Variants in DTNBP1 observed in about 807,000 individuals in gnomAD.
The protein encoded by DTNBP1 is dysbindin.
DTNBP1 carries 35 observed loss-of-function variants against 42.8 expected under a neutral mutation model. That is an observed-to-expected ratio of 0.82 (90% CI 0.63 to 1.09). DTNBP1 has a LOEUF of 1.09. Among genes scored for constraint, DTNBP1 ranks in the 50% least tolerant of loss-of-function variants. DTNBP1 has a pLI of 0.00. For synonymous variants in DTNBP1, 171 were observed against 162.2 expected, an observed-to-expected ratio of 1.05 and a Z score of -0.41; for missense variants, 457 against 424.2, an observed-to-expected ratio of 1.08 and a Z score of -0.68.
At chr6:15,657,154 T>C (rs1761332056) in intron 1 of DTNBP1, among the ~76,000 whole-genome samples, 1 of 152,180 alleles carries the variant, frequency 6.6e-6, no homozygotes, top group South Asian at 2.1e-4. Context: ...ATTTAGACTA[T>C]CTACATCCTA....
rs190854086 is a variant in DTNBP1 at position 15,580,542 on chromosome 6, T to C, written c.511+12517A>G. Among the ~76,000 whole-genome samples, 3 of 152,316 alleles carry C rather than the reference T, an allele frequency of 2.0e-5. No homozygotes were observed. The East Asian group carries it at 5.8e-4, about 29-fold the overall frequency. On this transcript the variant is annotated intron_variant, in intron 7 of 9. Coordinates refer to ENST00000344537, the MANE Select transcript of DTNBP1 (RefSeq NM_032122.5). Reference sequence around the variant, plus strand: ...ATAGGAAAACAGTATGTTAATGACATGAGGCAATGCTCATTTCATAAGGGG... The same window carrying C: ...ATAGGAAAACAGTATGTTAATGACACGAGGCAATGCTCATTTCATAAGGGG...
At chr6:15,658,474 G>A (rs1218830323) in intron 1 of DTNBP1, among the ~76,000 whole-genome samples, 9 of 152,090 alleles carry the variant, frequency 5.9e-5, no homozygotes, top group Non-Finnish European at 1.0e-4. Context: ...GGGCGGCAGG[G>A]GCAGTGAGGG....
chr6:15,546,257 G>A (rs1394232474), intron 7 of DTNBP1, among the ~76,000 whole-genome samples: 1 of 151,760 alleles, frequency 6.6e-6, no homozygotes, highest in Non-Finnish European at 1.5e-5. Context: ...GTAGAGATGG[G>A]GTTTCATCAT....
At chr6:15,593,038 G>A (rs748449915) in intron 7 of DTNBP1, 21 bp downstream of exon 7, 3 of 1,580,442 alleles carry the variant, frequency 1.9e-6, no homozygotes, top group Admixed American at 1.8e-5. Context: ...ACTTTAAAGT[G>A]AAGAATTAAC....
intron 7 of DTNBP1, among the ~76,000 whole-genome samples, chr6:15,563,463 C>T (rs1174018239): frequency 1.3e-5 from 2 of 152,218 alleles, no homozygotes; most frequent in Non-Finnish European, 2.9e-5. Context: ...AATTAGGCTG[C>T]ATCTTAAGCC....
chr6:15,524,223 A>G, intron 9 of DTNBP1: 1 of 1,540,824 alleles, frequency 6.5e-7, no homozygotes. Flanking sequence ...CTTAACCACA[A>G]GGAGCAGACT....
intron 7 of DTNBP1, 172 bp from the exon 8 acceptor site, chr6:15,533,567 G>GCA (rs562930644): frequency 7.4e-6 from 8 of 1,088,024 alleles, no homozygotes; most frequent in Non-Finnish European, 1.1e-5. Flanking sequence ...CCAATCTGCT[G>GCA]CACTTCCTCC....
Position 15,533,371 on chromosome 6 carries a change from T to C in DTNBP1, c.536A>G (p.Gln179Arg). Residue 179 changes from glutamine to arginine, a missense_variant, in exon 8 of 10, where the codon CAG becomes CGG. Transcript: ENST00000344537. ...GGTGTGCTCCATTTCCAGGACCTTC[T>C]GGGCGTGCTCTGCATCTAGTTCAGC... is the stretch of plus-strand genomic sequence containing the variant. ...FKAELDAEHA[Q>R]KVLEMEHTQQ... The C allele has an allele frequency of 6.2e-7, 1 of 1,614,236 alleles. No individual in the cohort carries two copies. Among genetic ancestry groups the C allele is most frequent in the Non-Finnish European group, 8.5e-7 (1 of 1,180,038 alleles).
At chr6:15,604,980 T>C (rs1757953985) in intron 6 of DTNBP1, among the ~76,000 whole-genome samples, 2 of 152,188 alleles carry the variant, frequency 1.3e-5, no homozygotes, top group African/African-American at 4.8e-5. Context: ...AGTATGCCCC[T>C]AAGCAGGTTT....
chr6:15,628,200 G>A (rs962944315), intron 4 of DTNBP1, among the ~76,000 whole-genome samples: 2 of 151,948 alleles, frequency 1.3e-5, no homozygotes, highest in Non-Finnish European at 2.9e-5. Context: ...ATAGTGGGAG[G>A]GACAAGGGCC....
At chr6:15,615,156 A>C in intron 6 of DTNBP1, 111 bp downstream of exon 6, 1 of 1,523,346 alleles carries the variant, frequency 6.6e-7, no homozygotes, top group Non-Finnish European at 9.1e-7. Flanking sequence ...TATCAGTTTT[A>C]TGTTGAAACC....
intron 7 of DTNBP1, among the ~76,000 whole-genome samples, chr6:15,542,292 A>T (rs548775379): frequency 1.3e-5 from 2 of 152,356 alleles, no homozygotes; most frequent in Non-Finnish European, 2.9e-5. Context: ...ACAGTCTGTC[A>T]AATTACATAA....
chr6:15,627,797 A>C lies in DTNBP1; in HGVS notation c.223-322T>G, dbSNP rs182502514. 5.0e-3 allele frequency among the ~76,000 whole-genome samples: 759 copies of C among 151,928 alleles called. 6 individuals carry two copies. Among genetic ancestry groups the C allele is most frequent in the African/African-American group, 0.016 (683 of 41,538 alleles). On this transcript the variant is annotated intron_variant, in intron 4 of 9. Transcript: ENST00000344537. ...TTTGAAAAGCTAAATCTAGAAAAAAAAAAAACAAAAACAAAAAACTACCAC... is the reference window on the plus strand; with the variant it reads ...TTTGAAAAGCTAAATCTAGAAAAAACAAAAACAAAAACAAAAAACTACCAC...
chr6:15,640,461 C>T (rs1370665252), intron 3 of DTNBP1, among the ~76,000 whole-genome samples: 1 of 152,094 alleles, frequency 6.6e-6, no homozygotes, highest in Non-Finnish European at 1.5e-5. Flanking sequence ...GCATTCAAAT[C>T]GTTATTGAAT....
At chr6:15,524,946 G>A (rs961672267) in intron 8 of DTNBP1, among the ~76,000 whole-genome samples, 7 of 152,162 alleles carry the variant, frequency 4.6e-5, no homozygotes, top group Admixed American at 2.6e-4. Context: ...AGTGAGTCCC[G>A]GCTGTTTTGA....
In DTNBP1 at chr6:15,533,862, T is replaced by G. The variant is rs1187806304; in HGVS notation, c.512-467A>C. On this transcript the variant is annotated intron_variant, in intron 7 of 9. Coordinates refer to ENST00000344537, the MANE Select transcript of DTNBP1 (RefSeq NM_032122.5). ...GTCCCTGCAAGACTGTGACCATGTA[T>G]GACTCATTTCAACATGCTGTCACTC... Among the ~76,000 whole-genome samples, 2 of 152,228 alleles carry G rather than the reference T, an allele frequency of 1.3e-5. 1 individual carries two copies.
chr6:15,536,632 C>T (rs1250237704), intron 7 of DTNBP1, among the ~76,000 whole-genome samples: 6 of 152,260 alleles, frequency 3.9e-5, no homozygotes, highest in Non-Finnish European at 8.8e-5. Context: ...GCTGCAGGGA[C>T]ACAGCCCTCA....
intron 7 of DTNBP1, among the ~76,000 whole-genome samples, chr6:15,564,202 T>C (rs898161533): frequency 2.6e-5 from 4 of 152,122 alleles, no homozygotes; most frequent in South Asian, 2.1e-4. Flanking sequence ...TATATTGACT[T>C]GCCATGTGCA....
intron 5 of DTNBP1, among the ~76,000 whole-genome samples, chr6:15,624,345 A>G (rs1404997933): frequency 6.6e-6 from 1 of 152,196 alleles, no homozygotes; most frequent in African/African-American, 2.4e-5. Context: ...CTTATTTTTA[A>G]AACGACAAAC....
Sources: gnomAD v4.1 joint callset for allele counts (sites outside exome capture counted in the v4.1 genomes callset) on GRCh38, gnomAD v4.1.1 for gene constraint, MANE v1.5 for transcripts, NCBI Gene and HGNC (gene_info 2026-07-23, HGNC 2026-07-21) for gene names.